ZFYVE1: variants seen among roughly 807,000 people sequenced by gnomAD.
ZFYVE1 encodes zinc finger FYVE domain-containing protein 1.
In ZFYVE1, 30 loss-of-function variants were observed where a neutral mutation model predicts 74.4. The observed-to-expected ratio is 0.40, with a 90% CI of 0.30 to 0.55. ZFYVE1 has a LOEUF of 0.55. Among genes scored for constraint, ZFYVE1 ranks in the 20% least tolerant of loss-of-function variants. The pLI, the probability that ZFYVE1 is intolerant of heterozygous loss-of-function variation, is 0.42. For missense variants in ZFYVE1, 703 were observed against 1,011.6 expected (o/e 0.69, Z 4.14); for synonymous variants, 335 against 385.1 (o/e 0.87, Z 1.52).
At chr14:73,009,004 T>C (rs1230395929) in intron 2 of ZFYVE1, among the ~76,000 whole-genome samples, 1 of 152,176 alleles carries the variant, frequency 6.6e-6, no homozygotes, top group Non-Finnish European at 1.5e-5. Context: ...CCAACTAGAA[T>C]GTACTCCAGG....
At chr14:73,019,329 T>A (rs2140388990) in intron 2 of ZFYVE1, among the ~76,000 whole-genome samples, 1 of 152,058 alleles carries the variant, frequency 6.6e-6, no homozygotes, top group Admixed American at 6.6e-5. Context: ...ACCTGTAGTC[T>A]CAGCTACTTG....
At chr14:72,978,596 A>T (rs1277465447) in intron 6 of ZFYVE1, among the ~76,000 whole-genome samples, 2 of 137,348 alleles carry the variant, frequency 1.5e-5, no homozygotes, top group Admixed American at 7.7e-5. Flanking sequence ...AAAAAAAAAA[A>T]GAATGAATGT....
At chr14:72,986,738 C>T (rs571368035) in intron 4 of ZFYVE1, among the ~76,000 whole-genome samples, 2 of 152,216 alleles carry the variant, frequency 1.3e-5, no homozygotes, top group South Asian at 4.1e-4. Flanking sequence ...CCATGTTGGC[C>T]AGGCTGGTCT....
chr14:72,976,580 C>T (rs1440741692), intron 8 of ZFYVE1, among the ~76,000 whole-genome samples: 7 of 151,762 alleles, frequency 4.6e-5, no homozygotes, highest in African/African-American at 9.7e-5. Context: ...GTCAAGAGAT[C>T]GAGACCATCC....
chr14:72,996,775 G>A (rs1342516670), intron 3 of ZFYVE1, among the ~76,000 whole-genome samples: 1 of 152,080 alleles, frequency 6.6e-6, no homozygotes, highest in East Asian at 1.9e-4. Flanking sequence ...CCGTGCGGTC[G>A]CCCCAACTAG....
At chr14:73,026,309 C>T (rs191719831) in intron 1 of ZFYVE1, among the ~76,000 whole-genome samples, 1 of 152,274 alleles carries the variant, frequency 6.6e-6, no homozygotes, top group East Asian at 1.9e-4. Flanking sequence ...GCTTTTGTCA[C>T]TTTGACAATT....
chr14:72,971,205 T>C, intron 11 of ZFYVE1, 91 bp from the exon 12 acceptor site: 5 of 1,279,556 alleles, frequency 3.9e-6, no homozygotes, highest in Non-Finnish European at 5.5e-6. Context: ...TACTGGCTTA[T>C]AATCCCAACT....
chr14:73,016,427 C>T (rs577263289), intron 2 of ZFYVE1, among the ~76,000 whole-genome samples: 6 of 152,016 alleles, frequency 3.9e-5, no homozygotes, highest in South Asian at 4.2e-4. Context: ...AAGAGAATGG[C>T]GTGAACCCAG....
At chr14:73,013,465 G>A (rs748876522) in intron 2 of ZFYVE1, among the ~76,000 whole-genome samples, 7 of 151,946 alleles carry the variant, frequency 4.6e-5, no homozygotes, top group African/African-American at 9.7e-5. Flanking sequence ...AAAATTAGCC[G>A]GGCATGGTGG....
Position 72,993,313 on chromosome 14 carries a change from G to A in ZFYVE1, c.1033C>T (p.Arg345Trp), listed in dbSNP as rs766659876. 1.2e-5 allele frequency: 19 copies of A among 1,613,266 alleles called. No individual in the cohort carries two copies. The highest frequency in any genetic ancestry group is 2.2e-5 in the East Asian group (1 of 44,812). Residue 345 changes from arginine (R) to tryptophan (W), a missense_variant, in exon 4 of 12, where the codon CGG becomes TGG. Arg to Trp is a moderately radical substitution (Grantham distance 101, BLOSUM62 -3). Around this residue, in one of 2 missense-constraint regions of ZFYVE1, gnomAD observed 492 missense variants for 790.0 expected, o/e 0.62. Transcript: ENST00000556143. ...VPEKLIQDRF[R>W]KLGRFPEAFS... The stretch of plus-strand genomic sequence containing the variant: ...GCTTCAGGGAAACGGCCCAGCTTCC[G>A]GAACCGGTCCTGGATGAGCTTCTCT...
At chr14:72,990,680 G>A (rs1358021084) in intron 4 of ZFYVE1, among the ~76,000 whole-genome samples, 4 of 133,388 alleles carry the variant, frequency 3.0e-5, no homozygotes, top group South Asian at 2.5e-4. Flanking sequence ...GTGAGCCACC[G>A]CACCTGGCCT....
chr14:73,016,563 TAC>T lies in ZFYVE1; in HGVS notation c.483+7461_483+7462del, dbSNP rs745530018. Among the ~76,000 whole-genome samples the T allele has an allele frequency of 4.6e-5, 7 of 151,658 alleles. No individual in the cohort carries two copies. In the East Asian group the frequency reaches 7.8e-4, roughly 17 times the overall value. Reference sequence around the variant, plus strand: ...TCTGTAAGTCCTTTGGTTTTCCTAGTACAGTTCCACCGAGGCCTAGAAAAATC... The same window carrying T: ...TCTGTAAGTCCTTTGGTTTTCCTAGTAGTTCCACCGAGGCCTAGAAAAATC... On this transcript the variant is annotated intron_variant, in intron 2 of 11. Coordinates refer to ENST00000556143, the MANE Select transcript of ZFYVE1 (RefSeq NM_021260.4).
intron 2 of ZFYVE1, 74 bp downstream of exon 2, chr14:73,023,952 C>T (rs1894398939): frequency 3.9e-6 from 6 of 1,542,230 alleles, no homozygotes; most frequent in Admixed American, 1.9e-5. Context: ...TCTTGGACAT[C>T]GTTTTTTGAG....
chr14:72,972,651 C>T (rs12436416), intron 11 of ZFYVE1, among the ~76,000 whole-genome samples: 23,013 of 152,074 alleles, frequency 0.15, 2,153 homozygotes, highest in South Asian at 0.25. Flanking sequence ...CTCTCCCCCT[C>T]GCCATCCTAA....
At chr14:73,008,617 C>G (rs1594858165) in intron 2 of ZFYVE1, among the ~76,000 whole-genome samples, 2 of 152,286 alleles carry the variant, frequency 1.3e-5, no homozygotes, top group East Asian at 1.9e-4. Flanking sequence ...AAGATGAATT[C>G]TGAGGACACA....
chr14:73,000,832 C>T (rs897084854), intron 2 of ZFYVE1, among the ~76,000 whole-genome samples: 2 of 152,174 alleles, frequency 1.3e-5, no homozygotes, highest in Non-Finnish European at 2.9e-5. Flanking sequence ...GAAAACAGCC[C>T]AATACCCATC....
At chr14:72,993,398 AT>A (rs1306625305) in intron 3 of ZFYVE1, 41 bp from the exon 4 acceptor site, 12 of 1,482,338 alleles carry the variant, frequency 8.1e-6, no homozygotes, top group South Asian at 3.9e-5. Context: ...AGTGAGTGAC[AT>A]TTAAAAAAAA....
intron 4 of ZFYVE1, among the ~76,000 whole-genome samples, chr14:72,982,757 T>C (rs944260174): frequency 6.6e-6 from 1 of 152,116 alleles, no homozygotes. Flanking sequence ...AAGGACAATA[T>C]GTTACTTCCT....
chr14:72,995,246 C>T (rs181406505), intron 3 of ZFYVE1, among the ~76,000 whole-genome samples: 143 of 152,244 alleles, frequency 9.4e-4, no homozygotes, highest in African/African-American at 1.1e-3. Flanking sequence ...AGGTGCCCAC[C>T]ACCATACACT....
Sources: allele counts gnomAD v4.1 joint callset (sites outside exome capture counted in the v4.1 genomes callset), GRCh38; gene constraint gnomAD v4.1.1; regional missense constraint gnomAD v4.1.1; transcripts MANE v1.5; gene names NCBI Gene and HGNC (gene_info 2026-07-23, HGNC 2026-07-21).